HEPHL1: variants seen among roughly 807,000 people sequenced by gnomAD.
HEPHL1 encodes the protein ferroxidase HEPHL1.
A neutral mutation model predicts 122.0 loss-of-function variants in HEPHL1; 123 were observed. The ratio of observed to expected loss-of-function variants is 1.01; its 90% CI spans 0.87 to 1.17. The LOEUF (loss-of-function observed/expected upper bound fraction) is 1.17, where lower values mean the gene tolerates loss of function less well. Among genes scored for constraint, HEPHL1 ranks in the 50% most tolerant of loss-of-function variants. HEPHL1 has a pLI of 0.00. For synonymous variants in HEPHL1, 527 were observed against 508.9 expected (o/e 1.04, Z -0.48); for missense variants, 1,452 against 1,430.5 (o/e 1.01, Z -0.24).
intron 14 of HEPHL1, among the ~76,000 whole-genome samples, 165 bp from the exon 15 acceptor site, chr11:94,102,749 T>C (rs1946377595): frequency 6.6e-6 from 1 of 152,178 alleles, no homozygotes; most frequent in African/African-American, 2.4e-5. Context: ...TTTGAAATAG[T>C]AGAAATCAAG....
At chr11:94,021,576 G>A (rs1945582566) in intron 1 of HEPHL1, 38 bp downstream of exon 1, 5 of 1,530,010 alleles carry the variant, frequency 3.3e-6, no homozygotes, top group Non-Finnish European at 4.4e-6. Context: ...TCCCAGGTTT[G>A]GCCTCTTTTT....
chr11:94,069,054 A>G (rs1946055335), intron 5 of HEPHL1, among the ~76,000 whole-genome samples: 2 of 152,004 alleles, frequency 1.3e-5, no homozygotes, highest in Non-Finnish European at 1.5e-5. Flanking sequence ...AACAAAGATT[A>G]ACAAGAGAAG....
chr11:94,064,612 G>C, intron 4 of HEPHL1, 102 bp downstream of exon 4: 1 of 775,704 alleles, frequency 1.3e-6, no homozygotes, highest in Non-Finnish European at 2.1e-6. Flanking sequence ...AGTTTGGCAT[G>C]ATTTATAACT....
At chr11:94,025,999 T>C (rs974917688) in intron 1 of HEPHL1, among the ~76,000 whole-genome samples, 3 of 152,220 alleles carry the variant, frequency 2.0e-5, no homozygotes, top group Non-Finnish European at 4.4e-5. Context: ...ATTAGGATTT[T>C]GTATTCATTT....
intron 6 of HEPHL1, 66 bp downstream of exon 6, chr11:94,070,608 G>A: frequency 7.7e-7 from 1 of 1,298,444 alleles, no homozygotes; most frequent in Non-Finnish European, 1.1e-6. Context: ...CTTTCTCTGT[G>A]ATCTAATTTG....
In HEPHL1 at chr11:94,104,533, G is replaced by T. The variant is rs117862554; in HGVS notation, c.2688G>T (p.Thr896=). The T allele has an allele frequency of 5.0e-6, 8 of 1,607,314 alleles. No individual in the cohort carries two copies. The highest frequency in any genetic ancestry group is 4.0e-5 in the African/African-American group (3 of 74,720). ...CAGTTTATTTTTTCTTCCAGGATACGTATAGTGGTTTGATGGGTCCTCTGA... is the reference window on the plus strand; with the variant it reads ...CAGTTTATTTTTTCTTCCAGGATACTTATAGTGGTTTGATGGGTCCTCTGA... ...YYSTVNFVKD[T]YSGLMGPLIT... is the part of the protein sequence containing the mutation. The change falls in exon 16 of 20, where the codon ACG becomes ACT. Residue 896 remains threonine (T), a synonymous_variant. Coordinates refer to ENST00000315765, the MANE Select transcript of HEPHL1 (RefSeq NM_001098672.2).
At chr11:94,065,505 A>G (rs1565352938) in intron 4 of HEPHL1, among the ~76,000 whole-genome samples, 2 of 152,182 alleles carry the variant, frequency 1.3e-5, no homozygotes, top group South Asian at 2.1e-4. Flanking sequence ...TTGTCAGTAC[A>G]TTGATTATTT....
chr11:94,059,860 A>C (rs138429645), intron 2 of HEPHL1, among the ~76,000 whole-genome samples: 59 of 152,112 alleles, frequency 3.9e-4, no homozygotes, highest in African/African-American at 1.3e-3. Context: ...TGTGAACATA[A>C]GAATTTCTAG....
At chr11:94,103,867 G>A (rs753115790) in intron 15 of HEPHL1, among the ~76,000 whole-genome samples, 4 of 152,308 alleles carry the variant, frequency 2.6e-5, no homozygotes, top group Middle Eastern at 3.4e-3. Context: ...ACTTACATAT[G>A]AGAATTATGG....
Position 94,104,560 on chromosome 11 carries a change from T to C in HEPHL1, c.2715T>C (p.Ile905=), listed in dbSNP as rs1418019509. 6.2e-7 allele frequency: 1 copy of C among 1,613,714 alleles called. No individual in the cohort carries two copies. Among genetic ancestry groups the C allele is most frequent in the African/African-American group, 1.3e-5 (1 of 74,934 alleles). ...DTYSGLMGPL[I]TCRKGVLNEK... is the part of the protein sequence containing the mutation. ...ATAGTGGTTTGATGGGTCCTCTGAT[T>C]ACATGCCGAAAAGGAGTCTTGAATG... The change falls in exon 16 of 20, where the codon ATT becomes ATC. Residue 905 remains isoleucine (I), a synonymous_variant. Transcript: ENST00000315765.
chr11:94,070,433 A>G lies in HEPHL1; in HGVS notation c.1123A>G (p.Met375Val), dbSNP rs756695159. Residue 375 changes from methionine to valine, a missense_variant, in exon 6 of 20, where the codon ATG becomes GTG. Transcript: ENST00000315765. Reference protein sequence around the residue: ...NCKSDIFYPKMKGQQRRYFIA... With the variant: ...NCKSDIFYPKVKGQQRRYFIA... ...CAAAAGTGATATTTTCTACCCCAAG[A>G]TGAAGGGTCAACAGAGGCGCTACTT... is the stretch of plus-strand genomic sequence containing the variant. 22 of 1,606,782 alleles carry G rather than the reference A, an allele frequency of 1.4e-5. No homozygotes were observed. In the Admixed American group the frequency reaches 3.7e-4, roughly 27 times the overall value.
At chr11:94,076,220 A>G (rs1429185456) in intron 9 of HEPHL1, among the ~76,000 whole-genome samples, 2 of 152,170 alleles carry the variant, frequency 1.3e-5, no homozygotes, top group Non-Finnish European at 2.9e-5. Context: ...ATGTGTTATA[A>G]GACTGAATGT....
Position 94,075,224 on chromosome 11 carries a change from A to G in HEPHL1, c.1555A>G (p.Lys519Glu). The part of the protein sequence containing the change: ...HVKPGETFTY[K>E]WTVPESVSPT... Reference sequence around the variant, plus strand: ...TAAACCAGGTGAAACCTTCACATACAAGTGGACAGTGCCTGAGAGCGTAAG... The same window carrying G: ...TAAACCAGGTGAAACCTTCACATACGAGTGGACAGTGCCTGAGAGCGTAAG... Residue 519 changes from lysine to glutamate, a missense_variant, in exon 9 of 20, where the codon AAG (lysine) becomes GAG (glutamate). Physicochemically the swap from Lys to Glu is moderately conservative, Grantham distance 56. Transcript: ENST00000315765. The G allele has an allele frequency of 5.6e-6, 9 of 1,613,470 alleles. No homozygotes were observed. The highest frequency in any genetic ancestry group is 7.6e-6 in the Non-Finnish European group (9 of 1,179,626).
intron 14 of HEPHL1, 52 bp from the exon 15 acceptor site, chr11:94,102,862 C>A (rs556617290): frequency 3.4e-6 from 3 of 888,432 alleles, no homozygotes; most frequent in South Asian, 1.4e-5. Context: ...TCAGATAAAT[C>A]ATCTGAAACA....
chr11:94,046,013 T>C lies in HEPHL1; in HGVS notation c.415+96T>C. On this transcript the variant is annotated intron_variant, in intron 2 of 19. Coordinates refer to ENST00000315765, the MANE Select transcript of HEPHL1 (RefSeq NM_001098672.2). The stretch of plus-strand genomic sequence containing the variant: ...AGATTTTAGGAGCACATTGATTACA[T>C]GGATATATTTATCTTCTCTCTGTCT... 3.7e-6 allele frequency: 4 copies of C among 1,077,404 alleles called. No homozygotes were observed. The South Asian group carries it at 6.3e-5, about 17-fold the overall frequency. 66.7% of individuals were successfully genotyped at this position (1,077,404 alleles called of 1,614,324 possible).
At position 94,088,773 on chromosome 11, in the gene HEPHL1, G is replaced by T; in HGVS notation, c.2099G>T (p.Cys700Phe). ...PDHAGIFRVFCATMPHLSRGM... is the reference protein window; with the variant it reads ...PDHAGIFRVFFATMPHLSRGM... ...CTTGCAGGTATTTTTAGGGTGTTTT[G>T]TGCCACCATGCCCCACCTCTCGAGA... Residue 700 changes from cysteine (C) to phenylalanine (F), a missense_variant, in exon 12 of 20, where the codon TGT becomes TTT. Cys to Phe is a radical substitution (Grantham distance 205, BLOSUM62 -2). Transcript: ENST00000315765. 1 of 1,613,568 alleles carries T rather than the reference G, an allele frequency of 6.2e-7. No individual in the cohort carries two copies. Among genetic ancestry groups the T allele is most frequent in the East Asian group, 2.2e-5 (1 of 44,866 alleles).
chr11:94,064,357 CGGA>C lies in HEPHL1; in HGVS notation c.656_658del (p.Arg219_Asn220delinsHis). The C allele has an allele frequency of 6.2e-7, 1 of 1,612,498 alleles. No homozygotes were observed. Among genetic ancestry groups the C allele is most frequent in the African/African-American group, 1.3e-5 (1 of 74,964 alleles). ...TATCCTGAATAGATATTCAGGGACA[CGGA>C]ATGATGTGGATCGAGAGTTTGTTAT... is the stretch of plus-strand genomic sequence containing the variant. On this transcript the variant is annotated inframe_deletion, in exon 4 of 20. Coordinates refer to ENST00000315765, the MANE Select transcript of HEPHL1 (RefSeq NM_001098672.2).
intron 1 of HEPHL1, among the ~76,000 whole-genome samples, chr11:94,025,022 G>A (rs1249624040): frequency 6.6e-6 from 1 of 152,150 alleles, no homozygotes; most frequent in Non-Finnish European, 1.5e-5. Context: ...CAAAGTTTCA[G>A]TAATGTGAAA....
Position 94,101,576 on chromosome 11 carries a change from G to A in HEPHL1, c.2575+241G>A, listed in dbSNP as rs140749994. ...CATCCCCCACCAGAGTAGTACATTT[G>A]TTGTAATTGATGAACCTACATTGAT... On this transcript the variant is annotated intron_variant, in intron 14 of 19. Transcript: ENST00000315765. 1.6e-3 allele frequency among the ~76,000 whole-genome samples: 244 copies of A among 152,244 alleles called. 2 individuals are homozygous for A. Among genetic ancestry groups the A allele is most frequent in the African/African-American group, 5.5e-3 (230 of 41,544 alleles).
Sources: gnomAD v4.1 joint callset for allele counts (sites outside exome capture counted in the v4.1 genomes callset) on GRCh38, gnomAD v4.1.1 for gene constraint, MANE v1.5 for transcripts, NCBI Gene and HGNC (gene_info 2026-07-23, HGNC 2026-07-21) for gene names.